The following FHIT variants were observed in gnomAD, a reference collection of about 807,000 sequenced individuals.
FHIT encodes the protein fragile histidine triad diadenosine triphosphatase, also known as bis(5'-adenosyl)-triphosphatase.
FHIT carries 19 observed loss-of-function variants against 17.9 expected under a neutral mutation model. That is an observed-to-expected ratio of 1.06 (90% CI 0.74 to 1.56). The LOEUF is 1.56. Ranked by LOEUF, FHIT falls within the 40% of genes most tolerant of loss-of-function variation. The probability of loss-of-function intolerance (pLI) is 0.00; values close to 1 mark genes in which losing one functional copy is unlikely to be tolerated. For missense variants in FHIT, 248 were observed against 189.2 expected (o/e 1.31, Z -1.82); for synonymous variants, 81 against 69.7 (o/e 1.16, Z -0.81).
chr3:59,829,727 C>T (rs921817514), intron 8 of FHIT, among the ~76,000 whole-genome samples: 6 of 152,154 alleles, frequency 3.9e-5, no homozygotes, highest in Admixed American at 3.9e-4. Flanking sequence ...TATTTAAGAG[C>T]CAGCACATGA....
At chr3:60,871,277 G>A (rs1207932792) in intron 3 of FHIT, among the ~76,000 whole-genome samples, 3 of 152,014 alleles carry the variant, frequency 2.0e-5, no homozygotes, top group African/African-American at 7.2e-5. Flanking sequence ...AGAGCTTTAT[G>A]GTGGCACTCT....
At chr3:60,053,367 C>T (rs1406881366) in intron 5 of FHIT, among the ~76,000 whole-genome samples, 1 of 149,154 alleles carries the variant, frequency 6.7e-6, no homozygotes, top group Non-Finnish European at 1.5e-5. Flanking sequence ...ATCTTTGTGT[C>T]CCTAGCCCTT....
chr3:59,933,233 C>T (rs1321682067), intron 7 of FHIT, among the ~76,000 whole-genome samples: 1 of 152,120 alleles, frequency 6.6e-6, no homozygotes, highest in Non-Finnish European at 1.5e-5. Flanking sequence ...ATTCAGTCCT[C>T]TTCTTCTCTA....
chr3:60,535,509 G>A (rs2035949620), intron 5 of FHIT, among the ~76,000 whole-genome samples: 1 of 151,754 alleles, frequency 6.6e-6, no homozygotes, highest in Non-Finnish European at 1.5e-5. Flanking sequence ...AGAAATTCAG[G>A]TCTTTTAAAA....
intron 5 of FHIT, among the ~76,000 whole-genome samples, chr3:60,462,785 G>A (rs965715976): frequency 2.6e-5 from 4 of 152,218 alleles, no homozygotes; most frequent in African/African-American, 9.7e-5. Context: ...GGGAGCCACT[G>A]AGGGCATGCT....
At chr3:60,488,323 T>C (rs1576745929) in intron 5 of FHIT, among the ~76,000 whole-genome samples, 2 of 152,316 alleles carry the variant, frequency 1.3e-5, no homozygotes, top group East Asian at 3.9e-4. Context: ...CTGGCTCATG[T>C]ATGCTGTGAT....
intron 4 of FHIT, among the ~76,000 whole-genome samples, chr3:60,676,381 C>A (rs2040621254): frequency 6.6e-6 from 1 of 152,180 alleles, no homozygotes; most frequent in South Asian, 2.1e-4. Context: ...ATATAGAAGG[C>A]TGCAATCTGG....
At chr3:59,752,498 T>G (rs894223508) in intron 8 of FHIT, among the ~76,000 whole-genome samples, 177 bp from the exon 9 acceptor site, 1 of 152,152 alleles carries the variant, frequency 6.6e-6, no homozygotes, top group Admixed American at 6.6e-5. Context: ...AATCCACATT[T>G]AAAATAATCA....
chr3:60,685,983 T>C (rs1432807436), intron 4 of FHIT, among the ~76,000 whole-genome samples: 1 of 152,154 alleles, frequency 6.6e-6, no homozygotes, highest in Non-Finnish European at 1.5e-5. Flanking sequence ...GAACAAAGCA[T>C]TTTTTACAGT....
intron 7 of FHIT, among the ~76,000 whole-genome samples, chr3:60,007,896 A>T (rs918445843): frequency 6.6e-6 from 1 of 152,126 alleles, no homozygotes; most frequent in Non-Finnish European, 1.5e-5. Context: ...TTTATGGCAC[A>T]CTTGAGGGTA....
At chr3:61,012,876 A>G (rs1327451838) in intron 3 of FHIT, among the ~76,000 whole-genome samples, 8 of 151,952 alleles carry the variant, frequency 5.3e-5, no homozygotes, top group African/African-American at 1.9e-4. Context: ...TTTCAAGCAT[A>G]TTACATTGAT....
chr3:60,388,490 C>T (rs555276426), intron 5 of FHIT, among the ~76,000 whole-genome samples: 193 of 152,106 alleles, frequency 1.3e-3, no homozygotes, highest in Middle Eastern at 6.8e-3. Context: ...GTAGACCCAG[C>T]TACTCAGGAG....
intron 5 of FHIT, among the ~76,000 whole-genome samples, chr3:60,122,376 T>C (rs1559651827): frequency 6.6e-6 from 1 of 152,142 alleles, no homozygotes; most frequent in Admixed American, 6.5e-5. Flanking sequence ...CAGGGAACAT[T>C]TGAGTTCATG....
At chr3:60,532,043 T>C (rs1247034355) in intron 5 of FHIT, among the ~76,000 whole-genome samples, 1 of 152,192 alleles carries the variant, frequency 6.6e-6, no homozygotes, top group Admixed American at 6.5e-5. Flanking sequence ...ATCATCCTAA[T>C]GTTGTATGGC....
chr3:60,513,606 C>G (rs1326357481), intron 5 of FHIT, among the ~76,000 whole-genome samples: 1 of 152,146 alleles, frequency 6.6e-6, no homozygotes, highest in African/African-American at 2.4e-5. Context: ...AGCAAACACA[C>G]ACAGGAACAG....
At chr3:61,116,582 C>T (rs923433151) in intron 2 of FHIT, among the ~76,000 whole-genome samples, 2 of 152,086 alleles carry the variant, frequency 1.3e-5, no homozygotes, top group African/African-American at 4.8e-5. Flanking sequence ...TAAAATCACA[C>T]TAAGTGGATT....
chr3:60,468,869 T>C (rs1293446534), intron 5 of FHIT, among the ~76,000 whole-genome samples: 1 of 152,090 alleles, frequency 6.6e-6, no homozygotes, highest in African/African-American at 2.4e-5. Flanking sequence ...ATAGTTCTGG[T>C]GTTTTGTTTG....
At chr3:60,388,607 G>T (rs747283603) in intron 5 of FHIT, among the ~76,000 whole-genome samples, 2 of 151,976 alleles carry the variant, frequency 1.3e-5, no homozygotes, top group Non-Finnish European at 2.9e-5. Flanking sequence ...CAAACAAAAC[G>T]AAACCACCAC....
At chr3:60,209,376 G>A (rs1703346072) in intron 5 of FHIT, among the ~76,000 whole-genome samples, 1 of 152,126 alleles carries the variant, frequency 6.6e-6, no homozygotes, top group South Asian at 2.1e-4. Flanking sequence ...TGATCTGTTA[G>A]AACCCTGTGA....
Sources: allele counts gnomAD v4.1 joint callset (sites outside exome capture counted in the v4.1 genomes callset), GRCh38; gene constraint gnomAD v4.1.1; transcripts MANE v1.5; gene names NCBI Gene and HGNC (gene_info 2026-07-23, HGNC 2026-07-21).